The following BDNF variants were observed in gnomAD, a reference collection of about 807,000 sequenced individuals.
BDNF encodes neurotrophic factor BDNF precursor form.
BDNF carries 1 observed loss-of-function variant against 19.5 expected under a neutral mutation model. The observed-to-expected ratio is 0.05, with a 90% CI of 0.02 to 0.24. BDNF has a LOEUF of 0.24. Ranked by LOEUF, BDNF falls within the 10% of genes least tolerant of loss-of-function variation. The pLI is 1.00. For synonymous variants in BDNF, 100 were observed against 121.6 expected, an observed-to-expected ratio of 0.82 and a Z score of 1.17; for missense variants, 195 against 317.6, an observed-to-expected ratio of 0.61 and a Z score of 2.93.
chr11:27,666,144 C>T (rs1345538556), intron 1 of BDNF, among the ~76,000 whole-genome samples: 3 of 146,656 alleles, frequency 2.0e-5, no homozygotes, highest in East Asian at 2.0e-4. Flanking sequence ...GCTGGTGATA[C>T]CCAAGCAAAC....
chr11:27,669,122 T>G (rs1254867004), intron 1 of BDNF, among the ~76,000 whole-genome samples: 1 of 152,172 alleles, frequency 6.6e-6, no homozygotes, highest in Non-Finnish European at 1.5e-5. Context: ...AATCAATAAA[T>G]ATAATCCATC....
At chr11:27,674,351 C>A in intron 1 of BDNF, 1 of 1,533,086 alleles carries the variant, frequency 6.5e-7, no homozygotes, top group Non-Finnish European at 8.8e-7. Context: ...AACTGTAAAG[C>A]ACAGGAAAGT....
At chr11:27,699,576 A>G in intron 1 of BDNF, 4 of 1,504,138 alleles carry the variant, frequency 2.7e-6, no homozygotes, top group Non-Finnish European at 3.5e-6. Context: ...TCCCAGCGGT[A>G]GGAATTCCGC....
In BDNF at chr11:27,655,173, G is replaced by A. The variant is rs1852405295; in HGVS notation, c.*2648C>T. 1 of 152,280 alleles carries A rather than the reference G, an allele frequency of 6.6e-6. No individual in the cohort carries two copies. The highest frequency in any genetic ancestry group is 2.4e-5 in the African/African-American group (1 of 41,418). 9.4% of individuals were successfully genotyped at this position (152,280 alleles called of 1,614,324 possible). A position where few individuals can be genotyped will look rare whatever the true frequency, so the allele number is the denominator to read the frequency against. On this transcript the variant is annotated 3_prime_UTR_variant, in exon 2 of 2. Transcript: ENST00000356660. ...TTTCAATGGGAATCGCCATAAAAAA[G>A]CAACAGGCCTGCTGCCATGCATGAA...
intron 1 of BDNF, among the ~76,000 whole-genome samples, chr11:27,679,094 T>G (rs1856544854): frequency 6.6e-6 from 1 of 152,234 alleles, no homozygotes; most frequent in South Asian, 2.1e-4. Context: ...GCAAGGCCCC[T>G]GTGCAAGGTG....
chr11:27,661,359 T>C (rs1336793092), intron 1 of BDNF, among the ~76,000 whole-genome samples: 10 of 152,270 alleles, frequency 6.6e-5, no homozygotes, highest in African/African-American at 1.4e-4. Flanking sequence ...AACCCAGGCA[T>C]AGGATAGAAA....
intron 1 of BDNF, among the ~76,000 whole-genome samples, chr11:27,682,753 GC>G (rs1429620298): frequency 1.3e-5 from 2 of 151,998 alleles, no homozygotes; most frequent in Non-Finnish European, 2.9e-5. Context: ...CTTTTTTATG[GC>G]TGCATAGTAT....
intron 1 of BDNF, chr11:27,699,576 A>T: frequency 6.6e-7 from 1 of 1,504,138 alleles, no homozygotes; most frequent in South Asian, 1.3e-5. Context: ...TCCCAGCGGT[A>T]GGAATTCCGC....
chr11:27,721,167 C>T (rs896337591), intron 1 of BDNF, among the ~76,000 whole-genome samples: 2 of 152,022 alleles, frequency 1.3e-5, no homozygotes, highest in African/African-American at 2.4e-5. Flanking sequence ...AAGCATCAGC[C>T]TTGAACAACC....
intron 1 of BDNF, among the ~76,000 whole-genome samples, chr11:27,716,416 CACACACAGAG>C (rs1205693676): frequency 1.0e-4 from 4 of 40,014 alleles, no homozygotes; most frequent in Non-Finnish European, 2.2e-4. Context: ...CACTAGAAAA[CACACACAGAG>C]ACACACACGC....
intron 1 of BDNF, chr11:27,659,437 G>A: frequency 1.0e-6 from 1 of 1,000,298 alleles, no homozygotes; most frequent in Middle Eastern, 5.2e-4. Context: ...TGAAAACAAT[G>A]TGTCTGGTAA....
chr11:27,710,513 C>T (rs1433961616), intron 1 of BDNF, among the ~76,000 whole-genome samples: 1 of 152,206 alleles, frequency 6.6e-6, no homozygotes. Flanking sequence ...CAGGAAAGTT[C>T]CAAGTTTGGA....
intron 1 of BDNF, among the ~76,000 whole-genome samples, chr11:27,719,038 G>A (rs1410112050): frequency 6.6e-6 from 1 of 152,074 alleles, no homozygotes; most frequent in Non-Finnish European, 1.5e-5. Context: ...GGAGAGCCTG[G>A]TGGCCCCCGC....
In BDNF at chr11:27,657,403, A is replaced by G. The variant is rs1852711868; in HGVS notation, c.*418T>C. 9.6e-7 allele frequency: 1 copy of G among 1,039,152 alleles called. No individual in the cohort carries two copies. Among genetic ancestry groups the G allele is most frequent in the African/African-American group, 1.7e-5 (1 of 58,060 alleles). The allele number at this position is 1,039,152 out of a possible 1,614,324, so 64.4% of individuals were successfully genotyped here. A position where few individuals can be genotyped will look rare whatever the true frequency, so the allele number is the denominator to read the frequency against. On this transcript the variant is annotated 3_prime_UTR_variant, in exon 2 of 2. Coordinates refer to ENST00000356660, the MANE Select transcript of BDNF (RefSeq NM_001709.5). The surrounding 1 kb of genome is among the most constrained non-coding windows in gnomAD (Gnocchi z 5.0). Reference sequence around the variant, plus strand: ...ATATAGTACTAACAAGAACGAAGATACTTACTGTCTAAAATGTAAACGGAA... The same window carrying G: ...ATATAGTACTAACAAGAACGAAGATGCTTACTGTCTAAAATGTAAACGGAA...
chr11:27,694,120 A>G (rs549961336), intron 1 of BDNF, among the ~76,000 whole-genome samples: 5 of 152,242 alleles, frequency 3.3e-5, no homozygotes, highest in African/African-American at 1.2e-4. Context: ...ACTATATTCT[A>G]CTCCCTGAAG....
chr11:27,660,630 T>C (rs1247743269), intron 1 of BDNF, among the ~76,000 whole-genome samples: 5 of 152,200 alleles, frequency 3.3e-5, no homozygotes, highest in Non-Finnish European at 4.4e-5. Flanking sequence ...TACATCACAC[T>C]GGTAGAGACT....
At chr11:27,706,940 T>C (rs1860134530) in intron 1 of BDNF, among the ~76,000 whole-genome samples, 1 of 152,246 alleles carries the variant, frequency 6.6e-6, no homozygotes, top group Non-Finnish European at 1.5e-5. Flanking sequence ...TAGCTTTCAC[T>C]GTTTTCCCCC....
intron 1 of BDNF, among the ~76,000 whole-genome samples, chr11:27,693,171 T>A (rs1858531159): frequency 6.6e-6 from 1 of 152,204 alleles, no homozygotes; most frequent in South Asian, 2.1e-4. Flanking sequence ...ATATTCTAGA[T>A]ACAGTCTATT....
chr11:27,719,007 G>A (rs1434881092), intron 1 of BDNF, among the ~76,000 whole-genome samples: 1 of 152,178 alleles, frequency 6.6e-6, no homozygotes. Flanking sequence ...AAGGGGGTGG[G>A]GGTGAGGGTT....
Sources: allele counts gnomAD v4.1 joint callset (sites outside exome capture counted in the v4.1 genomes callset), GRCh38; gene constraint gnomAD v4.1.1; non-coding constraint Gnocchi (gnomAD v3.1); transcripts MANE v1.5; gene names NCBI Gene and HGNC (gene_info 2026-07-23, HGNC 2026-07-21).